The following SAMD5 variants were observed in gnomAD, a reference collection of about 807,000 sequenced individuals.
The protein encoded by SAMD5 is sterile alpha motif domain containing 5.
A neutral mutation model predicts 11.3 loss-of-function variants in SAMD5; 13 were observed. That is an observed-to-expected ratio of 1.15 (90% confidence interval 0.75 to 1.83). The LOEUF (loss-of-function observed/expected upper bound fraction) is 1.83. SAMD5 is among the 40% of genes most tolerant of loss of function. The probability of loss-of-function intolerance (pLI) is 0.00; values close to 1 mark genes in which losing one functional copy is unlikely to be tolerated. For missense variants in SAMD5, 255 were observed against 239.1 expected, an observed-to-expected ratio of 1.07 and a Z score of -0.44; for synonymous variants, 129 against 111.3, an observed-to-expected ratio of 1.16 and a Z score of -1.00.
At chr6:147,795,139 T>C in the SAMD5 span, among the ~76,000 whole-genome samples, 1 of 149,602 alleles carries the variant, frequency 6.7e-6, no homozygotes, top group Non-Finnish European at 1.5e-5. Flanking sequence ...TACGTATACA[T>C]GTGCCATGCT....
chr6:147,903,836 A>C, the SAMD5 span, among the ~76,000 whole-genome samples: 1 of 151,160 alleles, frequency 6.6e-6, no homozygotes, highest in African/African-American at 2.4e-5. Flanking sequence ...TGAACCCAGG[A>C]GGTGGAGGTT....
intron 1 of SAMD5, among the ~76,000 whole-genome samples, chr6:147,677,751 T>C (rs1464018375): frequency 6.6e-6 from 1 of 151,580 alleles, no homozygotes; most frequent in Non-Finnish European, 1.5e-5. Flanking sequence ...GATGGGGAGG[T>C]TAGAGGGTGT....
the SAMD5 span, among the ~76,000 whole-genome samples, chr6:147,897,128 A>T: frequency 6.6e-6 from 1 of 152,212 alleles, no homozygotes; most frequent in Admixed American, 6.5e-5. Flanking sequence ...AAAATGACTG[A>T]AATGTGTATT....
chr6:147,628,424 AT>A (rs1173305063), intron 1 of SAMD5, among the ~76,000 whole-genome samples: 2 of 152,206 alleles, frequency 1.3e-5, no homozygotes, highest in Non-Finnish European at 1.5e-5. Context: ...TCTTAAACGT[AT>A]TTTGAGAATG....
intron 1 of SAMD5, among the ~76,000 whole-genome samples, chr6:147,604,128 T>C (rs1341318089): frequency 6.6e-6 from 1 of 152,164 alleles, no homozygotes; most frequent in Non-Finnish European, 1.5e-5. Flanking sequence ...GACTGACGAC[T>C]AGAAAAATTG....
the SAMD5 span, among the ~76,000 whole-genome samples, chr6:147,768,326 C>T: frequency 2.6e-5 from 4 of 152,006 alleles, no homozygotes; most frequent in African/African-American, 7.2e-5. Flanking sequence ...AGTGAAACCT[C>T]GTCTCTACTA....
chr6:147,601,037 T>C (rs558442639), intron 1 of SAMD5, among the ~76,000 whole-genome samples: 1 of 152,224 alleles, frequency 6.6e-6, no homozygotes, highest in African/African-American at 2.4e-5. Flanking sequence ...GATTATTTTA[T>C]TTGGGTGACA....
At chr6:147,722,091 T>A (rs1344588072) in intron 1 of SAMD5, among the ~76,000 whole-genome samples, 1 of 152,200 alleles carries the variant, frequency 6.6e-6, no homozygotes, top group African/African-American at 2.4e-5. Flanking sequence ...TTTTACAACA[T>A]TGTGTCTTGG....
At chr6:147,824,717 A>G in the SAMD5 span, among the ~76,000 whole-genome samples, 1 of 152,226 alleles carries the variant, frequency 6.6e-6, no homozygotes, top group Non-Finnish European at 1.5e-5. Flanking sequence ...GAGTTCATTT[A>G]AATCACCCCA....
At chr6:147,688,818 G>A (rs181707668) in intron 1 of SAMD5, among the ~76,000 whole-genome samples, 11 of 152,264 alleles carry the variant, frequency 7.2e-5, no homozygotes, top group African/African-American at 2.2e-4. Context: ...AGGTGTTCCA[G>A]GTGGGACACT....
At chr6:147,858,122 T>C in the SAMD5 span, among the ~76,000 whole-genome samples, 1 of 152,166 alleles carries the variant, frequency 6.6e-6, no homozygotes, top group Non-Finnish European at 1.5e-5. Flanking sequence ...AACTAACCAA[T>C]TGTAATCAAG....
downstream of SAMD5, among the ~76,000 whole-genome samples, chr6:147,573,773 A>G (rs1789172911): frequency 6.6e-6 from 1 of 152,232 alleles, no homozygotes; most frequent in Non-Finnish European, 1.5e-5. Flanking sequence ...GGGTGGGAAC[A>G]GAAAAGAAGT....
the SAMD5 span, among the ~76,000 whole-genome samples, chr6:147,802,644 AAAC>A: frequency 6.6e-6 from 1 of 150,872 alleles, no homozygotes; most frequent in African/African-American, 2.4e-5. Context: ...CTAAAACTGA[AAAC>A]AAGCCAAATG....
chr6:147,725,081 G>A (rs147078257), intron 1 of SAMD5, among the ~76,000 whole-genome samples: 166 of 152,160 alleles, frequency 1.1e-3, no homozygotes, highest in African/African-American at 3.7e-3. Flanking sequence ...TGTCTCATAC[G>A]TAAATGATTT....
intron 1 of SAMD5, among the ~76,000 whole-genome samples, chr6:147,661,446 A>G (rs1790647313): frequency 6.6e-6 from 1 of 152,142 alleles, no homozygotes; most frequent in Non-Finnish European, 1.5e-5. Context: ...AATATCTTTG[A>G]AGTGTAGGAG....
At chr6:147,561,360 GT>G (rs1788947265) in intron 1 of SAMD5, among the ~76,000 whole-genome samples, 1 of 152,050 alleles carries the variant, frequency 6.6e-6, no homozygotes, top group Admixed American at 6.6e-5. Flanking sequence ...GCTAATTTTT[GT>G]ATTTTTAGTA....
At chr6:147,510,111 G>A (rs1239616806) in intron 1 of SAMD5, among the ~76,000 whole-genome samples, 3 of 152,206 alleles carry the variant, frequency 2.0e-5, no homozygotes, top group African/African-American at 7.2e-5. Context: ...CAGATAAGAT[G>A]AAGTAGGTAC....
chr6:147,812,467 T>C, the SAMD5 span, among the ~76,000 whole-genome samples: 1 of 152,146 alleles, frequency 6.6e-6, no homozygotes, highest in African/African-American at 2.4e-5. Context: ...TGATTAATTG[T>C]TGCCATATGG....
chr6:147,820,009 G>C, the SAMD5 span, among the ~76,000 whole-genome samples: 1 of 152,194 alleles, frequency 6.6e-6, no homozygotes, highest in East Asian at 1.9e-4. Context: ...GGACAGAAGA[G>C]ACAAGGTGTG....
Sources: allele counts gnomAD v4.1 joint callset (sites outside exome capture counted in the v4.1 genomes callset), GRCh38; gene constraint gnomAD v4.1.1; transcripts MANE v1.5; gene names NCBI Gene and HGNC (gene_info 2026-07-23, HGNC 2026-07-21).